COBL: variants seen among roughly 807,000 people sequenced by gnomAD.
COBL encodes the protein cordon-bleu WH2 repeat protein.
COBL carries 51 observed loss-of-function variants against 98.8 expected under a neutral mutation model. That is an observed-to-expected ratio of 0.52 (90% CI 0.41 to 0.65). COBL has a LOEUF of 0.65. COBL is among the 30% of genes least tolerant of loss of function. The pLI, the probability that COBL is intolerant of heterozygous loss-of-function variation, is 0.00. For missense variants in COBL, 1,617 were observed against 1,617.5 expected (o/e 1.00, Z 0.01); for synonymous variants, 634 against 651.7 (o/e 0.97, Z 0.41).
At chr7:51,179,409 T>C (rs1320358659) in intron 5 of COBL, among the ~76,000 whole-genome samples, 5 of 151,716 alleles carry the variant, frequency 3.3e-5, no homozygotes, top group Non-Finnish European at 5.9e-5. Context: ...TTTCACCATG[T>C]TGGCCAGGCT....
rs114099630 is a variant in COBL, at chr7:51,204,274, A to G, written c.246-10685T>C. 3.3e-3 allele frequency among the ~76,000 whole-genome samples: 509 copies of G among 152,342 alleles called. 4 individuals are homozygous for G. Among genetic ancestry groups the G allele is most frequent in the African/African-American group, 0.012 (488 of 41,588 alleles). ...AAGCTCACAGCTAACATTATAATCA[A>G]TGGAGAAAAACTGAAAGCTTTTAAG... On this transcript the variant is annotated intron_variant, in intron 2 of 12. Coordinates refer to ENST00000265136, the MANE Select transcript of COBL (RefSeq NM_015198.5).
At chr7:51,167,661 T>G (rs1384943820) in intron 5 of COBL, among the ~76,000 whole-genome samples, 1 of 152,120 alleles carries the variant, frequency 6.6e-6, no homozygotes, top group African/African-American at 2.4e-5. Context: ...GGAATCACAT[T>G]ACCTGACTTC....
At chr7:51,089,719 T>TTG (rs1794635079) in intron 6 of COBL, among the ~76,000 whole-genome samples, 1 of 152,292 alleles carries the variant, frequency 6.6e-6, no homozygotes, top group South Asian at 2.1e-4. Flanking sequence ...CAAGTAAACA[T>TTG]TGTGTGTGTG....
intron 2 of COBL, among the ~76,000 whole-genome samples, chr7:51,205,973 A>G (rs1362956050): frequency 6.6e-6 from 1 of 152,212 alleles, no homozygotes; most frequent in Non-Finnish European, 1.5e-5. Context: ...GGAAAGTGCA[A>G]TTCAAAACCA....
chr7:51,261,197 C>T (rs1395141201), intron 1 of COBL, among the ~76,000 whole-genome samples: 4 of 152,256 alleles, frequency 2.6e-5, no homozygotes, highest in African/African-American at 4.8e-5. Context: ...CTCAAAGAAG[C>T]TCTCCTGACA....
intron 2 of COBL, among the ~76,000 whole-genome samples, chr7:51,199,531 A>T (rs948346193): frequency 6.6e-6 from 1 of 152,246 alleles, no homozygotes; most frequent in Non-Finnish European, 1.5e-5. Flanking sequence ...CATCTTAAAG[A>T]AGCTCAATGA....
intron 7 of COBL, among the ~76,000 whole-genome samples, chr7:51,081,145 C>T (rs772716897): frequency 6.6e-6 from 1 of 152,136 alleles, no homozygotes; most frequent in Non-Finnish European, 1.5e-5. Context: ...AAGGGCAAGG[C>T]GCTTGCCTGG....
chr7:51,182,992 C>T (rs943924834), intron 5 of COBL, among the ~76,000 whole-genome samples: 1 of 151,128 alleles, frequency 6.6e-6, no homozygotes, highest in Non-Finnish European at 1.5e-5. Flanking sequence ...GCTACAGGGA[C>T]GTGCTGGCTC....
At chr7:51,020,020 C>T (rs182855782) in intron 12 of COBL, among the ~76,000 whole-genome samples, 14 of 152,264 alleles carry the variant, frequency 9.2e-5, no homozygotes, top group Admixed American at 6.5e-4. Context: ...TGTCATGACG[C>T]GTGTGGCCCG....
chr7:51,122,934 G>T (rs1158451352), intron 6 of COBL, among the ~76,000 whole-genome samples: 5 of 150,654 alleles, frequency 3.3e-5, no homozygotes, highest in Admixed American at 3.3e-4. Context: ...GGCTGAGATC[G>T]CACCACTGAC....
chr7:51,299,549 G>A lies in COBL; in HGVS notation c.41+17044C>T, dbSNP rs374195892. 3.3e-5 allele frequency among the ~76,000 whole-genome samples: 5 copies of A among 152,250 alleles called. No individual in the cohort carries two copies. In the East Asian group the frequency reaches 5.8e-4, roughly 18 times the overall value. On this transcript the variant is annotated intron_variant, in intron 1 of 12. Transcript: ENST00000265136. ...CTGGCACTCCTCAAACCCAGTTGGCGCTCTCTAAGGAGGAAGGGTGCTGCA... is the reference window on the plus strand; with the variant it reads ...CTGGCACTCCTCAAACCCAGTTGGCACTCTCTAAGGAGGAAGGGTGCTGCA...
chr7:51,082,710 C>A (rs1344500061), intron 7 of COBL, among the ~76,000 whole-genome samples: 1 of 152,206 alleles, frequency 6.6e-6, no homozygotes, highest in Admixed American at 6.5e-5. Context: ...GTTAGCCCAC[C>A]ATCCAGATCA....
intron 8 of COBL, among the ~76,000 whole-genome samples, chr7:51,038,082 C>G (rs572822135): frequency 1.3e-5 from 2 of 152,278 alleles, no homozygotes; most frequent in East Asian, 3.9e-4. Flanking sequence ...GAACTCCTGA[C>G]CTTAGGTGAT....
At chr7:51,189,479 C>T (rs940458927) in intron 4 of COBL, among the ~76,000 whole-genome samples, 2 of 152,014 alleles carry the variant, frequency 1.3e-5, no homozygotes, top group Non-Finnish European at 2.9e-5. Flanking sequence ...ACTAAAAACA[C>T]AAAAATTAGC....
chr7:51,122,066 C>A (rs1418801450), intron 6 of COBL, among the ~76,000 whole-genome samples: 1 of 152,190 alleles, frequency 6.6e-6, no homozygotes, highest in African/African-American at 2.4e-5. Context: ...GAGTGGCGAG[C>A]TCACCTTTCA....
At chr7:51,083,284 T>G (rs1424219979) in intron 7 of COBL, 2 of 1,372,916 alleles carry the variant, frequency 1.5e-6, no homozygotes, top group East Asian at 5.2e-5. Flanking sequence ...CGTCACTCAC[T>G]AGGCACCAAA....
intron 1 of COBL, among the ~76,000 whole-genome samples, chr7:51,277,785 AG>A (rs1280047605): frequency 6.6e-6 from 1 of 152,176 alleles, no homozygotes. Context: ...TTGTGAGAGC[AG>A]GGGGCACAGA....
At chr7:51,228,299 T>C (rs1433737197) in intron 1 of COBL, among the ~76,000 whole-genome samples, 1 of 152,062 alleles carries the variant, frequency 6.6e-6, no homozygotes, top group Non-Finnish European at 1.5e-5. Context: ...AGATGACCCC[T>C]GTAAAGTTTC....
intron 7 of COBL, among the ~76,000 whole-genome samples, chr7:51,052,787 C>T (rs908551519): frequency 1.3e-5 from 2 of 152,230 alleles, no homozygotes; most frequent in Non-Finnish European, 2.9e-5. Flanking sequence ...TGCCATCCCT[C>T]CTTCTGCTGC....
Sources: allele counts gnomAD v4.1 joint callset (sites outside exome capture counted in the v4.1 genomes callset), GRCh38; gene constraint gnomAD v4.1.1; transcripts MANE v1.5; gene names NCBI Gene and HGNC (gene_info 2026-07-23, HGNC 2026-07-21).